DLG5: variants seen among roughly 807,000 people sequenced by gnomAD.
DLG5 encodes discs large MAGUK scaffold protein 5.
A neutral mutation model predicts 189.8 loss-of-function variants in DLG5; 48 were observed. The observed-to-expected ratio is 0.25, with a 90% CI of 0.20 to 0.32. The LOEUF (loss-of-function observed/expected upper bound fraction) is 0.32, where lower values mean the gene tolerates loss of function less well. Ranked by LOEUF, DLG5 falls within the 10% of genes least tolerant of loss-of-function variation. The pLI, the probability that DLG5 is intolerant of heterozygous loss-of-function variation, is 1.00. For synonymous variants in DLG5, 1,016 were observed against 1,054.1 expected, an observed-to-expected ratio of 0.96 and a Z score of 0.70; for missense variants, 2,160 against 2,544.7, an observed-to-expected ratio of 0.85 and a Z score of 3.25.
chr10:77,813,968 C>T (rs1841909278), intron 20 of DLG5, among the ~76,000 whole-genome samples: 2 of 152,208 alleles, frequency 1.3e-5, no homozygotes, highest in African/African-American at 4.8e-5. Flanking sequence ...GGGATCTGAG[C>T]TAATCTTTTT....
rs905571005 is a variant in DLG5 at position 77,816,955 on chromosome 10, G to C, written c.3874+52C>G. On this transcript the variant is annotated intron_variant, in intron 19 of 31. Transcript: ENST00000372391. ...CTAAGCCCAGAGACTCCACCATGAG[G>C]AGTCAGACCGCAGGAAAAGCAGGAG... The C allele has an allele frequency of 1.8e-5, 29 of 1,576,238 alleles. No individual in the cohort carries two copies. The African/African-American group carries it at 3.1e-4, about 17-fold the overall frequency.
chr10:77,921,530 C>A (rs1206812298), intron 1 of DLG5, among the ~76,000 whole-genome samples: 2 of 152,228 alleles, frequency 1.3e-5, no homozygotes, highest in Non-Finnish European at 2.9e-5. Context: ...TTAAGGTCCT[C>A]CAGATTACCT....
intron 27 of DLG5, among the ~76,000 whole-genome samples, chr10:77,801,294 G>C (rs1841191634): frequency 6.6e-6 from 1 of 152,170 alleles, no homozygotes; most frequent in African/African-American, 2.4e-5. Context: ...GGAAACTCTA[G>C]AGTGATAAAT....
chr10:77,795,056 T>A (rs1401250458), intron 29 of DLG5, 98 bp from the exon 30 acceptor site: 5 of 894,202 alleles, frequency 5.6e-6, no homozygotes, highest in Non-Finnish European at 8.8e-6. Context: ...CACAGGGCTC[T>A]ACCCACAAAC....
intron 1 of DLG5, among the ~76,000 whole-genome samples, chr10:77,915,232 C>T (rs1325590951): frequency 6.6e-6 from 1 of 151,374 alleles, no homozygotes; most frequent in Non-Finnish European, 1.5e-5. Context: ...TAGGCTGAGG[C>T]AGGAGAATTG....
intron 3 of DLG5, among the ~76,000 whole-genome samples, chr10:77,855,709 A>G (rs561290429): frequency 1.2e-3 from 190 of 152,340 alleles, no homozygotes; most frequent in Non-Finnish European, 2.3e-3. Flanking sequence ...CCTCATGAAT[A>G]CAAGCTCAGG....
chr10:77,820,107 A>T (rs1283301641), intron 15 of DLG5, 89 bp from the exon 16 acceptor site: 18 of 1,558,380 alleles, frequency 1.2e-5, no homozygotes, highest in Middle Eastern at 1.8e-4. Flanking sequence ...GCACTCTGGG[A>T]GGCCGAGGCG....
intron 1 of DLG5, among the ~76,000 whole-genome samples, chr10:77,883,691 CTTTTTTTT>C (rs36028891): frequency 0.023 from 2,196 of 96,462 alleles, 60 homozygotes; most frequent in African/African-American, 0.083. Context: ...TAACATTGTT[CTTTTTTTT>C]TTTTTTTTTT....
chr10:77,799,925 ACAG>A (rs1463796515), intron 27 of DLG5, among the ~76,000 whole-genome samples: 1 of 152,106 alleles, frequency 6.6e-6, no homozygotes, highest in Non-Finnish European at 1.5e-5. Context: ...GTATTTGGTT[ACAG>A]CAGCCCTAGC....
Position 77,834,055 on chromosome 10 carries a change from G to C in DLG5, c.1623-16C>G. On this transcript the variant is annotated splice_polypyrimidine_tract_variant and intron_variant, in intron 8 of 31. Coordinates refer to ENST00000372391, the MANE Select transcript of DLG5 (RefSeq NM_004747.4). ...ACACAGTGTCCTGGTGGAAGGAGCA[G>C]AGGACAAGGTCATCTCAAGAGGCAT... is the stretch of plus-strand genomic sequence containing the variant. The C allele has an allele frequency of 6.2e-7, 1 of 1,606,878 alleles. No individual in the cohort carries two copies. The highest frequency in any genetic ancestry group is 8.5e-7 in the Non-Finnish European group (1 of 1,178,612).
At chr10:77,800,173 T>A (rs1841127051) in intron 27 of DLG5, among the ~76,000 whole-genome samples, 1 of 152,124 alleles carries the variant, frequency 6.6e-6, no homozygotes, top group African/African-American at 2.4e-5. Flanking sequence ...TGCATTAGAA[T>A]TAGCTGGGGT....
At chr10:77,792,622 T>C in intron 31 of DLG5, 79 bp from the exon 32 acceptor site, 7 of 1,306,588 alleles carry the variant, frequency 5.4e-6, no homozygotes, top group Non-Finnish European at 6.6e-6. Flanking sequence ...CAGCTTGCAC[T>C]CTTTCTACTG....
chr10:77,867,675 G>A (rs1844738080), intron 2 of DLG5, among the ~76,000 whole-genome samples: 1 of 152,218 alleles, frequency 6.6e-6, no homozygotes. Context: ...GTGGAGTTGT[G>A]GCCCCCCAAA....
Position 77,819,345 on chromosome 10 carries a change from G to T in DLG5, c.3647C>A (p.Ala1216Asp). ...CCTGGGATGCAAACCCTGGGGGCCAGCATCTCGGGCCGCAGGTGGAGAGCT... is the reference window on the plus strand; with the variant it reads ...CCTGGGATGCAAACCCTGGGGGCCATCATCTCGGGCCGCAGGTGGAGAGCT... ...PCSSPPAARD[A>D]GPQGLHPSVQ... The change falls in exon 17 of 32, where the codon GCT (alanine) becomes GAT (aspartate). Residue 1216 changes from alanine to aspartate, a missense_variant. Ala to Asp is a moderately radical substitution (Grantham distance 126). Coordinates refer to ENST00000372391, the MANE Select transcript of DLG5 (RefSeq NM_004747.4). 2 of 1,614,084 alleles carry T rather than the reference G, an allele frequency of 1.2e-6. No homozygotes were observed. Among genetic ancestry groups the T allele is most frequent in the Non-Finnish European group, 8.5e-7 (1 of 1,180,032 alleles).
intron 24 of DLG5, among the ~76,000 whole-genome samples, chr10:77,809,224 T>C (rs56220855): frequency 0.01 from 1,569 of 151,732 alleles, 27 homozygotes; most frequent in African/African-American, 0.036. Flanking sequence ...CTGGGCAACA[T>C]GGTGAAACTG....
chr10:77,909,124 T>C (rs1846146041), intron 1 of DLG5, among the ~76,000 whole-genome samples: 1 of 152,216 alleles, frequency 6.6e-6, no homozygotes, highest in Admixed American at 6.5e-5. Flanking sequence ...AGGTACTTGC[T>C]GGAGAGATAG....
At position 77,805,648 on chromosome 10, in the gene DLG5, T is replaced by C; in HGVS notation, c.5164+17A>G. 1 of 1,591,492 alleles carries C rather than the reference T, an allele frequency of 6.3e-7. No homozygotes were observed. Among genetic ancestry groups the C allele is most frequent in the African/African-American group, 1.3e-5 (1 of 74,416 alleles). On this transcript the variant is annotated intron_variant, in intron 27 of 31. Coordinates refer to ENST00000372391, the MANE Select transcript of DLG5 (RefSeq NM_004747.4). Reference sequence around the variant, plus strand: ...CCCATCTGGAGAGCCCACTGGAAAATGAGCTCAGCCACTTGCCTTCAAAGA... The same window carrying C: ...CCCATCTGGAGAGCCCACTGGAAAACGAGCTCAGCCACTTGCCTTCAAAGA...
intron 5 of DLG5, among the ~76,000 whole-genome samples, chr10:77,850,760 C>T (rs1037586061): frequency 3.9e-5 from 6 of 152,350 alleles, no homozygotes; most frequent in South Asian, 2.1e-4. Context: ...CTCATACACA[C>T]GGGCACGCGG....
At chr10:77,805,370 G>A (rs965360911) in intron 27 of DLG5, among the ~76,000 whole-genome samples, 3 of 152,112 alleles carry the variant, frequency 2.0e-5, no homozygotes, top group East Asian at 1.9e-4. Flanking sequence ...AAAGAGGCAC[G>A]CTCAGCTGAG....
Sources: allele counts gnomAD v4.1 joint callset (sites outside exome capture counted in the v4.1 genomes callset), GRCh38; gene constraint gnomAD v4.1.1; transcripts MANE v1.5; gene names NCBI Gene and HGNC (gene_info 2026-07-23, HGNC 2026-07-21).